SAMD5: variants seen among roughly 807,000 people sequenced by gnomAD.
SAMD5 encodes sterile alpha motif domain containing 5.
In SAMD5, 13 loss-of-function variants were observed where a neutral mutation model predicts 11.3. The observed-to-expected ratio is 1.15, with a 90% confidence interval of 0.75 to 1.83. The LOEUF (loss-of-function observed/expected upper bound fraction) is 1.83. Ranked by LOEUF, SAMD5 falls within the 40% of genes most tolerant of loss-of-function variation. The pLI is 0.00. For missense variants in SAMD5, 255 were observed against 239.1 expected, an observed-to-expected ratio of 1.07 and a Z score of -0.44; for synonymous variants, 129 against 111.3, an observed-to-expected ratio of 1.16 and a Z score of -1.00.
At chr6:147,844,302 A>G in the SAMD5 span, among the ~76,000 whole-genome samples, 4 of 152,262 alleles carry the variant, frequency 2.6e-5, no homozygotes, top group South Asian at 2.1e-4. Context: ...AATATCATCT[A>G]ATATCTACTA....
intron 1 of SAMD5, among the ~76,000 whole-genome samples, chr6:147,559,829 G>A (rs894755639): frequency 3.9e-5 from 6 of 152,190 alleles, no homozygotes; most frequent in African/African-American, 1.4e-4. Flanking sequence ...ATCAGGACAC[G>A]TGTGTATGCC....
chr6:147,784,147 T>C, the SAMD5 span, among the ~76,000 whole-genome samples: 5 of 152,160 alleles, frequency 3.3e-5, no homozygotes, highest in Admixed American at 6.5e-5. Context: ...AGAGAAAAAT[T>C]ATTTTAAAGG....
intron 1 of SAMD5, among the ~76,000 whole-genome samples, chr6:147,647,922 G>A (rs1005647827): frequency 4.6e-5 from 7 of 152,144 alleles, no homozygotes; most frequent in African/African-American, 9.7e-5. Flanking sequence ...ACTCAAACCC[G>A]TTCTTCTGTT....
the SAMD5 span, among the ~76,000 whole-genome samples, chr6:147,916,183 T>C: frequency 6.6e-6 from 1 of 152,142 alleles, no homozygotes; most frequent in African/African-American, 2.4e-5. Flanking sequence ...TCCAAGTCTT[T>C]GCTATTGTGA....
the SAMD5 span, among the ~76,000 whole-genome samples, chr6:147,842,149 C>T: frequency 6.6e-6 from 1 of 151,976 alleles, no homozygotes; most frequent in Non-Finnish European, 1.5e-5. Flanking sequence ...GTTAAAAAAA[C>T]AGGGAGAAAA....
At chr6:147,592,198 A>C (rs1444523411) in intron 1 of SAMD5, among the ~76,000 whole-genome samples, 5 of 152,084 alleles carry the variant, frequency 3.3e-5, no homozygotes, top group African/African-American at 9.7e-5. Flanking sequence ...TATGTTGCCC[A>C]GGTTGGTCTC....
chr6:147,527,783 A>T (rs1175294231), intron 1 of SAMD5, among the ~76,000 whole-genome samples: 6 of 151,914 alleles, frequency 3.9e-5, no homozygotes. Context: ...TAAAGAAAAT[A>T]GGTGTTTTTA....
At chr6:147,783,243 G>A in the SAMD5 span, among the ~76,000 whole-genome samples, 2 of 152,132 alleles carry the variant, frequency 1.3e-5, no homozygotes, top group African/African-American at 4.8e-5. Context: ...TCAGGATCTG[G>A]CTGTTATAAC....
At chr6:147,629,118 C>CT (rs1748230567) in intron 1 of SAMD5, among the ~76,000 whole-genome samples, 1 of 151,726 alleles carries the variant, frequency 6.6e-6, no homozygotes, top group African/African-American at 2.4e-5. Flanking sequence ...TGATGAAACC[C>CT]CGTCTCTACT....
At chr6:147,633,325 A>G (rs1013055565) in intron 1 of SAMD5, among the ~76,000 whole-genome samples, 7 of 152,078 alleles carry the variant, frequency 4.6e-5, no homozygotes, top group African/African-American at 1.7e-4. Context: ...ACCGCCTGCC[A>G]TGTCTTCTGT....
intron 1 of SAMD5, among the ~76,000 whole-genome samples, chr6:147,661,933 T>C (rs1280234026): frequency 6.6e-6 from 1 of 152,228 alleles, no homozygotes; most frequent in Non-Finnish European, 1.5e-5. Context: ...CCGGCGCGAC[T>C]AAAACCGTTC....
At chr6:147,926,366 A>G in the SAMD5 span, among the ~76,000 whole-genome samples, 4 of 152,092 alleles carry the variant, frequency 2.6e-5, no homozygotes, top group African/African-American at 9.7e-5. Context: ...TTATTTTTTA[A>G]TAATAGCCAT....
chr6:147,718,270 A>T (rs935962270), intron 1 of SAMD5, among the ~76,000 whole-genome samples: 13 of 152,152 alleles, frequency 8.5e-5, no homozygotes, highest in African/African-American at 2.4e-4. Context: ...AGATGCAGTG[A>T]CTGGTGCACA....
the SAMD5 span, among the ~76,000 whole-genome samples, chr6:147,788,818 T>C: frequency 1.3e-5 from 2 of 152,196 alleles, no homozygotes; most frequent in Non-Finnish European, 2.9e-5. Flanking sequence ...ATGCGGTGGC[T>C]CATGCTTGTA....
At chr6:147,954,130 T>C in the SAMD5 span, among the ~76,000 whole-genome samples, 1 of 152,224 alleles carries the variant, frequency 6.6e-6, no homozygotes, top group Non-Finnish European at 1.5e-5. Flanking sequence ...TGTGGTCAAA[T>C]ATGTTTCCTT....
the SAMD5 span, among the ~76,000 whole-genome samples, chr6:147,935,915 GGA>G: frequency 6.6e-6 from 1 of 152,090 alleles, no homozygotes; most frequent in South Asian, 2.1e-4. Context: ...TAGAGGGAGT[GGA>G]GAGAGAGAGC....
chr6:147,873,116 C>T, the SAMD5 span, among the ~76,000 whole-genome samples: 3 of 152,234 alleles, frequency 2.0e-5, no homozygotes, highest in South Asian at 4.2e-4. Flanking sequence ...CTGTGGCTCA[C>T]GCCTGTAATC....
chr6:147,761,508 T>TA, the SAMD5 span, among the ~76,000 whole-genome samples: 3 of 152,078 alleles, frequency 2.0e-5, no homozygotes, highest in African/African-American at 7.2e-5. Context: ...GAAGTCTCTC[T>TA]AAAAAAATCA....
rs1156589725 is a variant in SAMD5 at position 147,569,507 on chromosome 6, G to A, written c.*5051G>A. ...CTAAATATTATTTAAGATGGGAAAT[G>A]TCTTTTATAGGTATATTCTGTATAA... On this transcript the variant is annotated 3_prime_UTR_variant, in exon 2 of 2. Coordinates refer to ENST00000367474, the MANE Select transcript of SAMD5 (RefSeq NM_001030060.3). 1 of 858,434 alleles carries A rather than the reference G, an allele frequency of 1.2e-6. No homozygotes were observed. Among genetic ancestry groups the A allele is most frequent in the East Asian group, 1.2e-4 (1 of 8,186 alleles). The allele number at this position is 858,434 out of a possible 1,614,324, so 53.2% of individuals were successfully genotyped here.
Sources: gnomAD v4.1 joint callset for allele counts (sites outside exome capture counted in the v4.1 genomes callset) on GRCh38, gnomAD v4.1.1 for gene constraint, MANE v1.5 for transcripts, NCBI Gene and HGNC (gene_info 2026-07-23, HGNC 2026-07-21) for gene names.